The following NOL4L variants were observed in gnomAD, a reference collection of about 807,000 sequenced individuals.
NOL4L encodes nucleolar protein 4-like.
A neutral mutation model predicts 64.5 loss-of-function variants in NOL4L; 7 were observed. The ratio of observed to expected loss-of-function variants is 0.11; its 90% CI spans 0.06 to 0.20. The LOEUF is 0.20. NOL4L is among the 10% of genes least tolerant of loss of function. The pLI, the probability that NOL4L is intolerant of heterozygous loss-of-function variation, is 1.00. For missense variants in NOL4L, 680 were observed against 967.1 expected (o/e 0.70, Z 3.94); for synonymous variants, 413 against 401.0 (o/e 1.03, Z -0.36).
rs780301248 is a variant in NOL4L at position 32,487,934 on chromosome 20, A to ATTTAT, written c.700-13193_700-13192insATAAA. Among the ~76,000 whole-genome samples the ATTTAT allele has an allele frequency of 2.7e-3, 288 of 105,986 alleles. 1 individual carries two copies. The highest frequency in any genetic ancestry group is 9.8e-3 in the African/African-American group (282 of 28,700). 69.5% of individuals were successfully genotyped at this position (105,986 alleles called of 152,430 possible). On this transcript the variant is annotated intron_variant, in intron 4 of 10. Coordinates refer to ENST00000621426, the MANE Select transcript of NOL4L (RefSeq NM_001256798.2). ...TCCACAGTTTTTGTTTGTTGGTTTT[A>ATTTAT]TTTTTTTTTTTTTTTGACCAAATCT...
chr20:32,450,253 G>A (rs925052305), intron 10 of NOL4L: 2 of 152,298 alleles, frequency 1.3e-5, no homozygotes, highest in Non-Finnish European at 2.9e-5. Flanking sequence ...GTACCAAACT[G>A]ATTGAACAAT....
At chr20:32,488,858 T>C (rs1367116584) in intron 4 of NOL4L, among the ~76,000 whole-genome samples, 30 of 101,840 alleles carry the variant, frequency 2.9e-4, no homozygotes, top group African/African-American at 1.5e-3. Flanking sequence ...TTTCTTTCTT[T>C]CTTTCTTTCT....
chr20:32,453,864 C>G lies in NOL4L; in HGVS notation c.1120-103G>C. The stretch of plus-strand genomic sequence containing the variant: ...CTTGGGGACCAGGGTGGCACGCATG[C>G]CCTGCTGCCACGAGAGCCATAGCTG... On this transcript the variant is annotated intron_variant, in intron 6 of 10. Transcript: ENST00000621426. This position sits in a 1 kb window ranked among gnomAD's most constrained non-coding sequence, Gnocchi z 5.6. 1 of 1,073,476 alleles carries G rather than the reference C, an allele frequency of 9.3e-7. No homozygotes were observed. Among genetic ancestry groups the G allele is most frequent in the African/African-American group, 1.6e-5 (1 of 63,372 alleles). 66.5% of individuals were successfully genotyped at this position (1,073,476 alleles called of 1,614,324 possible). A position where few individuals can be genotyped will look rare whatever the true frequency, so the allele number is the denominator to read the frequency against.
At chr20:32,536,977 G>T (rs2018553782) in intron 1 of NOL4L, 1 of 340,990 alleles carries the variant, frequency 2.9e-6, no homozygotes, top group Non-Finnish European at 4.0e-6. Context: ...CCCACCCCAC[G>T]CGCACCTGCT....
At position 32,540,365 on chromosome 20, in the gene NOL4L, G is replaced by A. The variant is rs566281721; in HGVS notation, c.322-12452C>T. The stretch of plus-strand genomic sequence containing the variant: ...ATGTGTGACTGTCACACACAGTTAA[G>A]GTCACAGAGACATGGACATAGCCTC... On this transcript the variant is annotated intron_variant, in intron 1 of 10. Transcript: ENST00000621426. Among the ~76,000 whole-genome samples, 3 of 152,314 alleles carry A rather than the reference G, an allele frequency of 2.0e-5. No homozygotes were observed. The East Asian group carries it at 5.8e-4, about 29-fold the overall frequency.
rs2014740886 is a variant in NOL4L, at chr20:32,468,535, C to T, written c.841+6066G>A. On this transcript the variant is annotated intron_variant, in intron 5 of 10. Coordinates refer to ENST00000621426, the MANE Select transcript of NOL4L (RefSeq NM_001256798.2). ...CAGTGCTAGGGCCTGGGGATAAAGCCCAGGACAGGAGACTCAGGCCACATG... is the reference window on the plus strand; with the variant it reads ...CAGTGCTAGGGCCTGGGGATAAAGCTCAGGACAGGAGACTCAGGCCACATG... Among the ~76,000 whole-genome samples the T allele has an allele frequency of 2.0e-5, 3 of 152,138 alleles. No individual in the cohort carries two copies. The South Asian group carries it at 6.2e-4, about 31-fold the overall frequency.
chr20:32,537,640 C>T (rs1231265833), intron 1 of NOL4L, among the ~76,000 whole-genome samples: 1 of 152,192 alleles, frequency 6.6e-6, no homozygotes, highest in Admixed American at 6.5e-5. Flanking sequence ...TGGCTGAAAT[C>T]CAGCACACAC....
chr20:32,472,626 G>A (rs2015104042), intron 5 of NOL4L, among the ~76,000 whole-genome samples: 1 of 152,212 alleles, frequency 6.6e-6, no homozygotes, highest in African/African-American at 2.4e-5. Flanking sequence ...CAGGACTCTA[G>A]GCTGGAAACC....
chr20:32,574,766 G>A (rs4911243), intron 1 of NOL4L, among the ~76,000 whole-genome samples: 80,421 of 151,836 alleles, frequency 0.53, 25,585 homozygotes, highest in East Asian at 0.99. Context: ...GATGACTCCC[G>A]CGCTGGCCCC....
chr20:32,559,199 C>A (rs1439229993), intron 1 of NOL4L, among the ~76,000 whole-genome samples: 2 of 152,104 alleles, frequency 1.3e-5, no homozygotes, highest in Non-Finnish European at 2.9e-5. Context: ...ATCATGAAGG[C>A]AGGGGCCACT....
At chr20:32,508,826 C>A (rs2017249750) in intron 4 of NOL4L, among the ~76,000 whole-genome samples, 1 of 152,194 alleles carries the variant, frequency 6.6e-6, no homozygotes, top group Admixed American at 6.5e-5. Context: ...AACTTCGGTT[C>A]ATCCCCTGAT....
intron 4 of NOL4L, among the ~76,000 whole-genome samples, chr20:32,488,892 T>C (rs948790302): frequency 7.9e-5 from 11 of 138,522 alleles, no homozygotes; most frequent in South Asian, 2.4e-4. Flanking sequence ...TCTTTCTTTC[T>C]TTCCTCTCTC....
intron 3 of NOL4L, among the ~76,000 whole-genome samples, chr20:32,515,730 A>G (rs2017626867): frequency 6.6e-6 from 1 of 152,126 alleles, no homozygotes; most frequent in African/African-American, 2.4e-5. Context: ...GCCACACTCG[A>G]GCCTCTACAA....
intron 1 of NOL4L, among the ~76,000 whole-genome samples, chr20:32,545,104 G>C (rs932177048): frequency 1.1e-4 from 17 of 152,110 alleles, no homozygotes; most frequent in African/African-American, 4.1e-4. Context: ...ATTTGAGTTT[G>C]TTGCTGATAC....
chr20:32,543,347 C>T (rs1600860542), intron 1 of NOL4L, among the ~76,000 whole-genome samples: 2 of 152,272 alleles, frequency 1.3e-5, no homozygotes, highest in African/African-American at 4.8e-5. Flanking sequence ...GGGCTGGGCA[C>T]GGTGGCTCAT....
At chr20:32,490,079 G>C (rs1319558140) in intron 4 of NOL4L, among the ~76,000 whole-genome samples, 1 of 129,292 alleles carries the variant, frequency 7.7e-6, no homozygotes, top group Non-Finnish European at 1.6e-5. Flanking sequence ...CAGTAAGCCG[G>C]GATCATGCCA....
intron 1 of NOL4L, among the ~76,000 whole-genome samples, chr20:32,542,940 T>C (rs542191082): frequency 1.3e-4 from 20 of 152,212 alleles, no homozygotes; most frequent in Middle Eastern, 3.4e-3. Flanking sequence ...CTCACGGGGT[T>C]GTGAGGATTT....
intron 1 of NOL4L, among the ~76,000 whole-genome samples, chr20:32,574,899 C>T (rs761356921): frequency 2.0e-5 from 3 of 152,072 alleles, no homozygotes; most frequent in African/African-American, 4.8e-5. Context: ...ATCTGCACCC[C>T]GGTTTCCTAA....
In NOL4L at chr20:32,555,677, C is replaced by T. The variant is rs187634763; in HGVS notation, c.322-27764G>A. ...GCACTCTAATAGGAATGATGTCTTC[C>T]CAAGAAGAGAAGATTAGGATACAGA... On this transcript the variant is annotated intron_variant, in intron 1 of 10. Transcript: ENST00000621426. Among the ~76,000 whole-genome samples the T allele has an allele frequency of 1.6e-3, 240 of 152,048 alleles. 1 individual carries two copies. The highest frequency in any genetic ancestry group is 2.8e-3 in the Non-Finnish European group (188 of 67,978).
Sources: allele counts gnomAD v4.1 joint callset (sites outside exome capture counted in the v4.1 genomes callset), GRCh38; gene constraint gnomAD v4.1.1; non-coding constraint Gnocchi (gnomAD v3.1); transcripts MANE v1.5; gene names NCBI Gene and HGNC (gene_info 2026-07-23, HGNC 2026-07-21).